Variants in CTNNA2 observed in about 807,000 individuals in gnomAD.
The protein encoded by CTNNA2 is catenin alpha 2, also known as catenin alpha-2.
In CTNNA2, 42 loss-of-function variants were observed where a neutral mutation model predicts 101.0. That is an observed-to-expected ratio of 0.42 (90% CI 0.32 to 0.54). The LOEUF (loss-of-function observed/expected upper bound fraction) is 0.54, where lower values mean the gene tolerates loss of function less well. Ranked by LOEUF, CTNNA2 falls within the 20% of genes least tolerant of loss-of-function variation. CTNNA2 has a pLI of 0.14. For synonymous variants in CTNNA2, 450 were observed against 456.4 expected (o/e 0.99, Z 0.18); for missense variants, 871 against 1,223.1 (o/e 0.71, Z 4.29).
chr2:79,322,523 A>C (rs941983638), intron 3 of CTNNA2, among the ~76,000 whole-genome samples: 3 of 152,150 alleles, frequency 2.0e-5, no homozygotes, highest in Non-Finnish European at 4.4e-5. Context: ...ATTAGAAAAT[A>C]CTCTTAGCCC....
intron 7 of CTNNA2, among the ~76,000 whole-genome samples, chr2:80,248,682 C>A (rs994772292): frequency 2.2e-4 from 33 of 152,220 alleles, no homozygotes; most frequent in Middle Eastern, 3.4e-3. Flanking sequence ...AGGAGAGGTG[C>A]CATCTCTCTC....
chr2:79,308,246 A>C (rs1676290925), intron 2 of CTNNA2, among the ~76,000 whole-genome samples: 1 of 151,988 alleles, frequency 6.6e-6, no homozygotes, highest in East Asian at 1.9e-4. Flanking sequence ...GGGTTTCATC[A>C]TGTTGGCCAG....
chr2:80,271,523 G>A (rs1470148959), intron 7 of CTNNA2, among the ~76,000 whole-genome samples: 3 of 151,048 alleles, frequency 2.0e-5, no homozygotes, highest in Non-Finnish European at 2.9e-5. Context: ...CCGTGTTCAC[G>A]CCATTCTCCT....
At chr2:80,087,999 C>T (rs140803679) in intron 7 of CTNNA2, among the ~76,000 whole-genome samples, 18 of 152,120 alleles carry the variant, frequency 1.2e-4, no homozygotes, top group African/African-American at 4.1e-4. Flanking sequence ...CCCTTGCCGA[C>T]CACCCAGTTC....
intron 4 of CTNNA2, among the ~76,000 whole-genome samples, chr2:79,394,308 CAGCTGCTT>C (rs1255638666): frequency 6.6e-6 from 1 of 152,224 alleles, no homozygotes; most frequent in Non-Finnish European, 1.5e-5. Context: ...CCTGGCAGCA[CAGCTGCTT>C]AGACTGTATA....
chr2:80,028,851 C>A (rs1046883291), intron 7 of CTNNA2, among the ~76,000 whole-genome samples: 4 of 152,162 alleles, frequency 2.6e-5, no homozygotes, highest in African/African-American at 7.2e-5. Flanking sequence ...AAATAGATTT[C>A]TTTGTAAAGT....
intron 4 of CTNNA2, among the ~76,000 whole-genome samples, chr2:79,445,464 AT>A (rs1678822564): frequency 6.6e-6 from 1 of 152,144 alleles, no homozygotes; most frequent in African/African-American, 2.4e-5. Context: ...CCTCAAAGTG[AT>A]TTGGTGGAAA....
intron 2 of CTNNA2, among the ~76,000 whole-genome samples, chr2:79,691,710 A>G (rs1684314410): frequency 6.6e-6 from 1 of 152,120 alleles, no homozygotes; most frequent in Non-Finnish European, 1.5e-5. Context: ...GAGGCCTCAG[A>G]AATAAGCCAC....
At chr2:80,261,011 A>T (rs542391982) in intron 7 of CTNNA2, among the ~76,000 whole-genome samples, 15 of 152,304 alleles carry the variant, frequency 9.8e-5, no homozygotes, top group African/African-American at 3.6e-4. Flanking sequence ...CGATCCACCT[A>T]AGTACCTGGT....
intron 1 of CTNNA2, among the ~76,000 whole-genome samples, chr2:79,637,776 C>T (rs17017379): frequency 0.12 from 18,005 of 152,196 alleles, 1,377 homozygotes; most frequent in East Asian, 0.36. Context: ...ACATATTGAA[C>T]ACATTTCAGG....
chr2:80,162,944 T>C (rs1387216532), intron 7 of CTNNA2: 43 of 1,542,520 alleles, frequency 2.8e-5, no homozygotes, highest in Non-Finnish European at 3.1e-5. Flanking sequence ...CAACATGATA[T>C]TGGGGATATG....
At chr2:79,412,147 A>G (rs1485814591) in intron 4 of CTNNA2, among the ~76,000 whole-genome samples, 2 of 152,156 alleles carry the variant, frequency 1.3e-5, no homozygotes, top group Non-Finnish European at 2.9e-5. Context: ...AGAGACAAAG[A>G]AGGCCATTAC....
chr2:80,431,041 C>G lies in CTNNA2; in HGVS notation c.1290+11440C>G, dbSNP rs1420102764. Among the ~76,000 whole-genome samples the G allele has an allele frequency of 2.0e-5, 3 of 151,946 alleles. No homozygotes were observed. The East Asian group carries it at 5.8e-4, about 29-fold the overall frequency. ...GTAAGAGCAAGAAGTGTTTTAATTG[C>G]CCAGGAAAAAAATTCTTCGATGTTA... On this transcript the variant is annotated intron_variant, in intron 9 of 18. Transcript: ENST00000402739.
chr2:79,621,729 G>A (rs55869794), intron 1 of CTNNA2, among the ~76,000 whole-genome samples: 23,077 of 152,108 alleles, frequency 0.15, 3,178 homozygotes, highest in African/African-American at 0.37. Flanking sequence ...GAATTGGGGA[G>A]TAAGCTTATA....
At chr2:80,201,614 A>G (rs905639897) in intron 7 of CTNNA2, among the ~76,000 whole-genome samples, 5 of 151,798 alleles carry the variant, frequency 3.3e-5, no homozygotes, top group African/African-American at 1.2e-4. Context: ...TGACCTCGTA[A>G]TCCGCCTGCC....
At chr2:80,489,387 A>T (rs1403249279) in intron 9 of CTNNA2, among the ~76,000 whole-genome samples, 4 of 152,178 alleles carry the variant, frequency 2.6e-5, no homozygotes, top group Non-Finnish European at 5.9e-5. Context: ...AAATTCTAAG[A>T]TCTGGTATAC....
intron 7 of CTNNA2, among the ~76,000 whole-genome samples, chr2:80,223,475 T>C (rs1708693486): frequency 6.6e-6 from 1 of 152,202 alleles, no homozygotes; most frequent in Non-Finnish European, 1.5e-5. Context: ...GTTTTCTCCA[T>C]GTTGGTCAGG....
intron 2 of CTNNA2, among the ~76,000 whole-genome samples, chr2:79,697,249 A>G (rs1684706038): frequency 1.3e-5 from 2 of 152,032 alleles, no homozygotes; most frequent in Non-Finnish European, 2.9e-5. Context: ...ATAGTTATGC[A>G]ATGTCACTCC....
intron 7 of CTNNA2, among the ~76,000 whole-genome samples, chr2:80,349,721 T>G (rs940587050): frequency 6.6e-6 from 1 of 152,138 alleles, no homozygotes; most frequent in Admixed American, 6.6e-5. Flanking sequence ...GGTCTTGCTA[T>G]GTTGCTTAGG....
Sources: gnomAD v4.1 joint callset for allele counts (sites outside exome capture counted in the v4.1 genomes callset) on GRCh38, gnomAD v4.1.1 for gene constraint, MANE v1.5 for transcripts, NCBI Gene and HGNC (gene_info 2026-07-23, HGNC 2026-07-21) for gene names.